ZNF518A: variants seen among roughly 807,000 people sequenced by gnomAD.
ZNF518A encodes zinc finger protein 518A, also known as zinc finger protein 518.
In ZNF518A, 47 loss-of-function variants were observed where a neutral mutation model predicts 102.7. The ratio of observed to expected loss-of-function variants is 0.46; its 90% CI spans 0.36 to 0.58. The LOEUF is 0.58. Among genes scored for constraint, ZNF518A ranks in the 20% least tolerant of loss-of-function variants. ZNF518A has a pLI of 0.00. For missense variants in ZNF518A, 1,793 were observed against 1,699.8 expected (o/e 1.05, Z -0.96); for synonymous variants, 652 against 594.6 (o/e 1.10, Z -1.40).
chr10:96,166,564 C>T (rs1448224649), downstream of ZNF518A, among the ~76,000 whole-genome samples: 1 of 152,024 alleles, frequency 6.6e-6, no homozygotes. Flanking sequence ...GTCAGGAGAT[C>T]GAGACCATCC....
At chr10:96,131,655 C>T (rs1210315752) in intron 1 of ZNF518A, among the ~76,000 whole-genome samples, 4 of 152,184 alleles carry the variant, frequency 2.6e-5, no homozygotes, top group African/African-American at 9.6e-5. Context: ...GTATAATTAC[C>T]AAATAAAACG....
At chr10:96,167,823 T>G (rs1056761247), downstream of ZNF518A, among the ~76,000 whole-genome samples, 4 of 152,244 alleles carry the variant, frequency 2.6e-5, no homozygotes, top group Non-Finnish European at 5.9e-5. Flanking sequence ...GTATTTGTGA[T>G]AATTCTCTAG....
chr10:96,174,050 AAACAT>A (rs1169400912), intron 1 of ZNF518A, among the ~76,000 whole-genome samples: 1 of 152,156 alleles, frequency 6.6e-6, no homozygotes, highest in Non-Finnish European at 1.5e-5. Context: ...ATAAAAGAAA[AAACAT>A]AACCCACCAA....
chr10:96,196,821 T>G, intron 1 of ZNF518A: 1 of 1,332,998 alleles, frequency 7.5e-7, no homozygotes, highest in South Asian at 1.2e-5. Flanking sequence ...GTATCCTTTC[T>G]CCTCATCTCT....
intron 3 of ZNF518A, among the ~76,000 whole-genome samples, chr10:96,141,178 TAGTA>T (rs1252701731): frequency 2.0e-5 from 3 of 152,182 alleles, no homozygotes; most frequent in Admixed American, 6.5e-5. Context: ...AAATGAGAAA[TAGTA>T]AGTAAAACTT....
At chr10:96,168,659 C>T (rs906155799), downstream of ZNF518A, among the ~76,000 whole-genome samples, 5 of 152,112 alleles carry the variant, frequency 3.3e-5, no homozygotes, top group African/African-American at 1.2e-4. Flanking sequence ...ATTTTCCATT[C>T]AACACTTCTA....
intron 1 of ZNF518A, among the ~76,000 whole-genome samples, chr10:96,203,418 A>G (rs1255849978): frequency 2.0e-5 from 3 of 152,198 alleles, no homozygotes; most frequent in African/African-American, 7.2e-5. Context: ...GTTTATTTAA[A>G]TGGATTTAAG....
chr10:96,189,891 T>C (rs1255187489), intron 1 of ZNF518A: 10 of 1,060,048 alleles, frequency 9.4e-6, no homozygotes, highest in African/African-American at 3.0e-5. Flanking sequence ...TGTCCACTAA[T>C]ATGCACTGGC....
chr10:96,156,457 A>C lies in ZNF518A; in HGVS notation c.135A>C (p.Leu45=). The change falls in exon 6 of 6, where the codon CTA becomes CTC. Residue 45 remains leucine, a synonymous_variant. Coordinates refer to ENST00000316045, the MANE Select transcript of ZNF518A (RefSeq NM_001330736.2). ...PKISGSIHYA[L]KNVKIDLPKI... ...TTTCAGGAAGTATTCATTATGCACT[A>C]AAAAATGTGAAAATTGATTTGCCAA... 1 of 1,613,060 alleles carries C rather than the reference A, an allele frequency of 6.2e-7. No individual in the cohort carries two copies. The highest frequency in any genetic ancestry group is 1.1e-5 in the South Asian group (1 of 90,770).
chr10:96,199,697 G>T (rs1466294525), intron 1 of ZNF518A, among the ~76,000 whole-genome samples: 1 of 152,160 alleles, frequency 6.6e-6, no homozygotes, highest in East Asian at 1.9e-4. Context: ...GTCTATTACA[G>T]GCTGAGGGCA....
rs1554895990 is a variant in ZNF518A, at chr10:96,201,006, T to A, written n.36-2568T>A. ...CCTGTTCTGAAATAGTGGAATTAGATGAAAAGCTGGGTAGGGGCCCATCCA... is the reference window on the plus strand; with the variant it reads ...CCTGTTCTGAAATAGTGGAATTAGAAGAAAAGCTGGGTAGGGGCCCATCCA... On this transcript the variant is annotated intron_variant and non_coding_transcript_variant, in intron 1 of 2. Coordinates refer to the ZNF518A transcript ENST00000442635. 3 of 1,614,046 alleles carry A rather than the reference T, an allele frequency of 1.9e-6. No homozygotes were observed. The highest frequency in any genetic ancestry group is 1.3e-5 in the African/African-American group (1 of 74,936).
At chr10:96,196,707 C>T (rs1478465204) in intron 1 of ZNF518A, among the ~76,000 whole-genome samples, 2 of 152,190 alleles carry the variant, frequency 1.3e-5, no homozygotes, top group Non-Finnish European at 2.9e-5. Context: ...ATGTACATCA[C>T]ATGACTTTTT....
intron 1 of ZNF518A, among the ~76,000 whole-genome samples, chr10:96,201,346 A>G (rs11593308): frequency 0.015 from 2,307 of 152,364 alleles, 24 homozygotes; most frequent in Middle Eastern, 0.061. Context: ...AGAAACAGAG[A>G]TGAGAATCCA....
chr10:96,184,753 C>T (rs1010247232), intron 1 of ZNF518A, among the ~76,000 whole-genome samples: 5 of 152,170 alleles, frequency 3.3e-5, no homozygotes, highest in African/African-American at 1.2e-4. Context: ...TTCATTTCAA[C>T]CTTGGTGAAT....
chr10:96,197,112 T>C (rs199715227), intron 1 of ZNF518A: 2 of 1,462,278 alleles, frequency 1.4e-6, no homozygotes, highest in African/African-American at 2.9e-5. Context: ...ATTACTTATA[T>C]TTCTACAGGT....
At position 96,200,881 on chromosome 10, in the gene ZNF518A, C is replaced by T. The variant is rs1189238127; in HGVS notation, n.36-2693C>T. ...CACATAATGATGTAAAATACAGTCTCTGTTCTCAAGGTTCACTCCAAATGT... is the reference window on the plus strand; with the variant it reads ...CACATAATGATGTAAAATACAGTCTTTGTTCTCAAGGTTCACTCCAAATGT... On this transcript the variant is annotated intron_variant and non_coding_transcript_variant, in intron 1 of 2. Transcript: ENST00000442635. The surrounding 1 kb of genome is among the most constrained non-coding windows in gnomAD (Gnocchi z 4.3). 1.1e-5 allele frequency: 12 copies of T among 1,059,552 alleles called. No individual in the cohort carries two copies. Among genetic ancestry groups the T allele is most frequent in the Admixed American group, 1.7e-5 (1 of 59,064 alleles). 65.6% of individuals were successfully genotyped at this position (1,059,552 alleles called of 1,614,324 possible).
chr10:96,165,564 G>A (rs2083131773), downstream of ZNF518A, among the ~76,000 whole-genome samples: 1 of 151,154 alleles, frequency 6.6e-6, no homozygotes, highest in Admixed American at 6.6e-5. Context: ...AAATATACCT[G>A]CTTAGCAGAT....
chr10:96,202,152 G>T (rs1554896382), intron 1 of ZNF518A, among the ~76,000 whole-genome samples: 1 of 152,142 alleles, frequency 6.6e-6, no homozygotes, highest in Non-Finnish European at 1.5e-5. Context: ...GCAATGAAGG[G>T]ACCAGATTTA....
At chr10:96,166,765 T>C (rs983012037), downstream of ZNF518A, among the ~76,000 whole-genome samples, 6 of 151,906 alleles carry the variant, frequency 3.9e-5, no homozygotes, top group Non-Finnish European at 8.8e-5. Flanking sequence ...AGACTCTGTC[T>C]CAAAAAGAAA....
Sources: allele counts gnomAD v4.1 joint callset (sites outside exome capture counted in the v4.1 genomes callset), GRCh38; gene constraint gnomAD v4.1.1; non-coding constraint Gnocchi (gnomAD v3.1); transcripts MANE v1.5; gene names NCBI Gene and HGNC (gene_info 2026-07-23, HGNC 2026-07-21).